The following GSAP variants were observed in gnomAD, a reference collection of about 807,000 sequenced individuals.
GSAP encodes gamma-secretase activating protein.
Under a neutral mutation model 131.7 loss-of-function variants are expected in GSAP, and 118 were observed. The ratio of observed to expected loss-of-function variants is 0.90; its 90% CI spans 0.77 to 1.04. The LOEUF (loss-of-function observed/expected upper bound fraction) is 1.04, where lower values mean the gene tolerates loss of function less well. GSAP is among the 50% of genes least tolerant of loss of function. The pLI is 0.00. For synonymous variants in GSAP, 381 were observed against 363.4 expected (o/e 1.05, Z -0.55); for missense variants, 1,019 against 1,013.2 (o/e 1.01, Z -0.08).
intron 18 of GSAP, among the ~76,000 whole-genome samples, chr7:77,350,553 T>C (rs1392837970): frequency 7.1e-6 from 1 of 139,978 alleles, no homozygotes; most frequent in African/African-American, 2.7e-5. Context: ...CTGGCCAACA[T>C]GGTGAAACCC....
chr7:77,390,431 G>C (rs919565229), intron 5 of GSAP, among the ~76,000 whole-genome samples: 1 of 152,148 alleles, frequency 6.6e-6, no homozygotes, highest in Admixed American at 6.5e-5. Context: ...TTACATTTAA[G>C]TCTTTAATCC....
intron 9 of GSAP, 55 bp from the exon 10 acceptor site, chr7:77,376,962 G>T: frequency 1.0e-6 from 1 of 992,876 alleles, no homozygotes; most frequent in Non-Finnish European, 1.5e-6. Flanking sequence ...AGAAAAGGAA[G>T]CAGTCAAGAA....
Position 77,375,075 on chromosome 7 carries a change from T to G in GSAP, c.768A>C (p.Leu256Phe), listed in dbSNP as rs1288292800. The change falls in exon 11 of 31, where the codon TTA becomes TTC. Residue 256 changes from leucine (L) to phenylalanine (F), a missense_variant. Coordinates refer to ENST00000257626, the MANE Select transcript of GSAP (RefSeq NM_017439.4). ...LMFEVPLDIS[L>F]SNSGFKLVNF... ...TAACTTACTTAAATCCTGAGTTGCT[T>G]AATGATATGTCCAAGGGTACTTCAA... The G allele has an allele frequency of 2.6e-6, 4 of 1,552,308 alleles. No homozygotes were observed. In the East Asian group the frequency reaches 9.1e-5, roughly 35 times the overall value.
intron 19 of GSAP, among the ~76,000 whole-genome samples, chr7:77,339,585 G>A (rs555635531): frequency 2.1e-4 from 32 of 152,254 alleles, no homozygotes; most frequent in African/African-American, 7.2e-4. Context: ...GTGTGGAAAT[G>A]ATGAATGGGA....
At chr7:77,375,807 GC>G (rs1796759054) in intron 10 of GSAP, among the ~76,000 whole-genome samples, 1 of 149,582 alleles carries the variant, frequency 6.7e-6, no homozygotes, top group African/African-American at 2.5e-5. Flanking sequence ...TCATGCCACT[GC>G]ACTCCAGCCA....
intron 8 of GSAP, chr7:77,379,864 C>T (rs1467203696): frequency 2.1e-5 from 21 of 984,820 alleles, no homozygotes; most frequent in Non-Finnish European, 2.2e-5. Context: ...TGGCAATTTT[C>T]CAGCCAGGCT....
intron 18 of GSAP, chr7:77,351,370 T>C: frequency 5.2e-6 from 5 of 962,240 alleles, no homozygotes; most frequent in Non-Finnish European, 6.2e-6. Context: ...GTCAGTTGTC[T>C]CCTACAAAAA....
intron 24 of GSAP, among the ~76,000 whole-genome samples, chr7:77,322,295 A>G (rs928042923): frequency 1.3e-5 from 2 of 152,222 alleles, no homozygotes; most frequent in African/African-American, 4.8e-5. Context: ...AGGGGAGCAG[A>G]AGGCATGACT....
Position 77,377,347 on chromosome 7 carries a change from T to G in GSAP, c.620A>C (p.Glu207Ala), listed in dbSNP as rs1464136680. 6.6e-7 allele frequency: 1 copy of G among 1,519,386 alleles called. No homozygotes were observed. Among genetic ancestry groups the G allele is most frequent in the East Asian group, 2.6e-5 (1 of 38,450 alleles). The allele number at this position is 1,519,386 out of a possible 1,614,324, so 94.1% of individuals were successfully genotyped here. ...ATCCCACTGAGCCCAAACGAAATCC[T>G]CAGCTATTCTGTCTCTTGGGAGATG... is the stretch of plus-strand genomic sequence containing the variant. ...SGHLPRDRIA[E>A]DFVWAQWDMS... The change falls in exon 9 of 31, where the codon GAG becomes GCG. Residue 207 changes from glutamate to alanine, a missense_variant. Transcript: ENST00000257626.
chr7:77,415,993 C>T (rs1462204728), intron 1 of GSAP: 2 of 424,098 alleles, frequency 4.7e-6, no homozygotes, highest in African/African-American at 2.1e-5. Flanking sequence ...CGCCTCAGGC[C>T]CCACGGCGAC....
At chr7:77,335,986 T>C (rs925381330) in intron 19 of GSAP, among the ~76,000 whole-genome samples, 1 of 152,206 alleles carries the variant, frequency 6.6e-6, no homozygotes, top group African/African-American at 2.4e-5. Context: ...TAAACTAAGA[T>C]GCTCTAAACA....
chr7:77,329,247 C>T, intron 21 of GSAP, 86 bp downstream of exon 21: 2 of 710,938 alleles, frequency 2.8e-6, no homozygotes, highest in Non-Finnish European at 4.6e-6. Context: ...CAAAAGTAAA[C>T]TACTTCTATA....
intron 29 of GSAP, 30 bp from the exon 30 acceptor site, chr7:77,311,970 T>A: frequency 7.5e-7 from 1 of 1,336,302 alleles, no homozygotes; most frequent in Non-Finnish European, 1.1e-6. Flanking sequence ...TGGTGTAAGC[T>A]GATTCTCCAC....
rs770515211 is a variant in GSAP, at chr7:77,377,306, A to G, written c.661T>C (p.Leu221=). ...TTTACCTTCAGGTCAATGTAATATAATCTCTGTTCTGACATATCCCACTGA... is the reference window on the plus strand; with the variant it reads ...TTTACCTTCAGGTCAATGTAATATAGTCTCTGTTCTGACATATCCCACTGA... The part of the protein sequence containing the change: ...WAQWDMSEQR[L]YYIDLKKSRS... The change falls in exon 9 of 31, where the codon TTA becomes CTA. Residue 221 remains leucine, a synonymous_variant. Transcript: ENST00000257626. 1.3e-6 allele frequency: 2 copies of G among 1,550,962 alleles called. No homozygotes were observed. Among genetic ancestry groups the G allele is most frequent in the Admixed American group, 1.8e-5 (1 of 54,500 alleles).
intron 6 of GSAP, among the ~76,000 whole-genome samples, chr7:77,386,969 C>T (rs1031610407): frequency 5.3e-5 from 8 of 152,160 alleles, no homozygotes; most frequent in African/African-American, 1.9e-4. Flanking sequence ...TGTATCTATG[C>T]CACCTACATT....
intron 14 of GSAP, 66 bp from the exon 15 acceptor site, chr7:77,355,713 T>C: frequency 1.1e-6 from 1 of 898,610 alleles, no homozygotes; most frequent in Non-Finnish European, 1.9e-6. Context: ...GAATGTCACA[T>C]TATCCCTGCT....
At chr7:77,326,444 G>C in intron 22 of GSAP, 171 bp from the exon 23 acceptor site, 1 of 524,248 alleles carries the variant, frequency 1.9e-6, no homozygotes, top group South Asian at 2.9e-5. Context: ...GAACTTATCA[G>C]AGCTGTGTGA....
chr7:77,383,033 A>G (rs1798021636), intron 6 of GSAP, among the ~76,000 whole-genome samples: 1 of 152,106 alleles, frequency 6.6e-6, no homozygotes, highest in African/African-American at 2.4e-5. Flanking sequence ...AAAAAATACA[A>G]AAGATTAGCC....
chr7:77,360,818 A>G lies in GSAP; in HGVS notation c.1027+6T>C. On this transcript the variant is annotated splice_donor_region_variant and intron_variant, in intron 14 of 30. Transcript: ENST00000257626. ...GAGCAGGGGGTGTGATCTCTCCATC[A>G]CTCACCAAGGTTGAGAAAAGTAATG... The G allele has an allele frequency of 6.7e-7, 1 of 1,492,258 alleles. No individual in the cohort carries two copies. Among genetic ancestry groups the G allele is most frequent in the Non-Finnish European group, 9.3e-7 (1 of 1,069,908 alleles). The allele number at this position is 1,492,258 out of a possible 1,614,324, so 92.4% of individuals were successfully genotyped here.
Sources: allele counts gnomAD v4.1 joint callset (sites outside exome capture counted in the v4.1 genomes callset), GRCh38; gene constraint gnomAD v4.1.1; transcripts MANE v1.5; gene names NCBI Gene and HGNC (gene_info 2026-07-23, HGNC 2026-07-21).